METTL24: variants seen among roughly 807,000 people sequenced by gnomAD.
METTL24 encodes probable methyltransferase-like protein 24.
METTL24 carries 29 observed loss-of-function variants against 32.7 expected under a neutral mutation model. The ratio of observed to expected loss-of-function variants is 0.89; its 90% CI spans 0.66 to 1.21. METTL24 has a LOEUF of 1.21. Among genes scored for constraint, METTL24 ranks in the 50% most tolerant of loss-of-function variants. METTL24 has a pLI of 0.00. For missense variants in METTL24, 439 were observed against 468.1 expected, an observed-to-expected ratio of 0.94 and a Z score of 0.57; for synonymous variants, 163 against 179.5, an observed-to-expected ratio of 0.91 and a Z score of 0.73.
At chr6:110,352,400 C>T (rs1772623243) in intron 1 of METTL24, among the ~76,000 whole-genome samples, 1 of 152,150 alleles carries the variant, frequency 6.6e-6, no homozygotes, top group South Asian at 2.1e-4. Flanking sequence ...TATTTATGTT[C>T]AAATACTTAA....
chr6:110,268,432 C>T (rs964644627), intron 4 of METTL24, among the ~76,000 whole-genome samples: 17 of 152,166 alleles, frequency 1.1e-4, no homozygotes, highest in African/African-American at 3.1e-4. Context: ...GGGTTCATAA[C>T]TTAACAGTTC....
intron 1 of METTL24, among the ~76,000 whole-genome samples, chr6:110,338,187 A>C (rs940113774): frequency 6.6e-5 from 10 of 152,192 alleles, no homozygotes; most frequent in Admixed American, 3.3e-4. Flanking sequence ...CTTTGGGTGG[A>C]AATAAATTAT....
At chr6:110,315,674 T>C (rs892531975) in intron 2 of METTL24, among the ~76,000 whole-genome samples, 193 bp from the exon 3 acceptor site, 1 of 152,148 alleles carries the variant, frequency 6.6e-6, no homozygotes, top group Non-Finnish European at 1.5e-5. Flanking sequence ...TACTAGATAA[T>C]AAGTAATCTC....
intron 4 of METTL24, among the ~76,000 whole-genome samples, chr6:110,255,853 GC>G (rs1351769510): frequency 6.6e-6 from 1 of 152,060 alleles, no homozygotes; most frequent in Non-Finnish European, 1.5e-5. Flanking sequence ...GAGAATCTTT[GC>G]CCTTAGATGG....
chr6:110,328,946 A>C (rs565619406), intron 1 of METTL24, among the ~76,000 whole-genome samples: 9 of 152,350 alleles, frequency 5.9e-5, no homozygotes, highest in Admixed American at 2.6e-4. Flanking sequence ...AAATTACCAA[A>C]AAATGGTGCC....
chr6:110,337,329 C>T (rs774585211), intron 1 of METTL24, among the ~76,000 whole-genome samples: 11 of 152,030 alleles, frequency 7.2e-5, no homozygotes, highest in African/African-American at 2.2e-4. Flanking sequence ...GTACTAGGCT[C>T]AATACTTGGG....
chr6:110,255,095 C>A (rs1355485078), intron 4 of METTL24, among the ~76,000 whole-genome samples: 1 of 151,896 alleles, frequency 6.6e-6, no homozygotes, highest in Non-Finnish European at 1.5e-5. Flanking sequence ...TGAGGTTTGC[C>A]CTACAGATTA....
At chr6:110,352,398 T>C (rs1227360237) in intron 1 of METTL24, among the ~76,000 whole-genome samples, 1 of 152,222 alleles carries the variant, frequency 6.6e-6, no homozygotes, top group Non-Finnish European at 1.5e-5. Flanking sequence ...GATATTTATG[T>C]TCAAATACTT....
intron 2 of METTL24, among the ~76,000 whole-genome samples, chr6:110,320,940 T>A (rs1771920044): frequency 6.7e-6 from 1 of 148,738 alleles, no homozygotes; most frequent in Non-Finnish European, 1.5e-5. Context: ...GAGGATGCTT[T>A]AAAAAAAAAA....
Position 110,358,102 on chromosome 6 carries a change from G to T in METTL24, c.171C>A (p.His57Gln), listed in dbSNP as rs1772736200. ...GCGGCTGGCCCGGCGCGGGCGGCAG[G>T]TGCGGCCCAGGTGGCCGCCAGGCCG... ...PGPAWRPPGP[H>Q]LPPAPGQPRG... The change falls in exon 1 of 5, where the codon CAC becomes CAA. Residue 57 changes from histidine (H) to glutamine (Q), a missense_variant. By Grantham distance (24) the His-to-Gln change is conservative. Coordinates refer to ENST00000338882, the MANE Select transcript of METTL24 (RefSeq NM_001123364.3). 3 of 1,015,182 alleles carry T rather than the reference G, an allele frequency of 3.0e-6. No individual in the cohort carries two copies. In the African/African-American group the frequency reaches 5.2e-5, roughly 18 times the overall value. 62.9% of individuals were successfully genotyped at this position (1,015,182 alleles called of 1,614,324 possible). A position where few individuals can be genotyped will look rare whatever the true frequency, so the allele number is the denominator to read the frequency against.
At position 110,296,639 on chromosome 6, in the gene METTL24, A is replaced by C. The variant is rs534368007; in HGVS notation, c.786+2283T>G. Reference sequence around the variant, plus strand: ...CTGGAATCTACGTATGGATATACAGAATAGGAAAACTAACAGCGGAATAGG... The same window carrying C: ...CTGGAATCTACGTATGGATATACAGCATAGGAAAACTAACAGCGGAATAGG... On this transcript the variant is annotated intron_variant, in intron 4 of 4. Transcript: ENST00000338882. 8.9e-4 allele frequency among the ~76,000 whole-genome samples: 136 copies of C among 152,314 alleles called. 1 individual carries two copies. Among genetic ancestry groups the C allele is most frequent in the Admixed American group, 1.3e-3 (20 of 15,304 alleles).
At chr6:110,268,411 A>G (rs1770897255) in intron 4 of METTL24, among the ~76,000 whole-genome samples, 2 of 152,334 alleles carry the variant, frequency 1.3e-5, no homozygotes, top group South Asian at 4.1e-4. Flanking sequence ...CACAAAATAC[A>G]ACATTGGTGA....
At chr6:110,258,789 T>TAC (rs146964745) in intron 4 of METTL24, among the ~76,000 whole-genome samples, 15,268 of 145,778 alleles carry the variant, frequency 0.1, 842 homozygotes, top group Admixed American at 0.16. Context: ...TAGATGCATT[T>TAC]ACACACACAC....
chr6:110,286,366 C>T (rs1465531892), intron 4 of METTL24, among the ~76,000 whole-genome samples: 1 of 152,136 alleles, frequency 6.6e-6, no homozygotes, highest in Non-Finnish European at 1.5e-5. Context: ...AATGCAGGCT[C>T]CTGGGCTCTA....
chr6:110,306,589 G>T (rs962497928), intron 3 of METTL24, among the ~76,000 whole-genome samples: 1 of 151,964 alleles, frequency 6.6e-6, no homozygotes, highest in African/African-American at 2.4e-5. Flanking sequence ...ATTAATTTAT[G>T]TTATACTTTT....
intron 1 of METTL24, among the ~76,000 whole-genome samples, chr6:110,323,741 G>A (rs1771971460): frequency 6.6e-6 from 1 of 152,166 alleles, no homozygotes; most frequent in South Asian, 2.1e-4. Flanking sequence ...GCTCGTGCAG[G>A]GTAGGGAAGG....
chr6:110,332,823 C>T (rs536177446), intron 1 of METTL24, among the ~76,000 whole-genome samples: 3 of 151,460 alleles, frequency 2.0e-5, no homozygotes, highest in East Asian at 2.0e-4. Flanking sequence ...GTAGGAGGAT[C>T]GCTTGAGCCC....
chr6:110,336,456 ATCAG>A (rs1772230426), intron 1 of METTL24, among the ~76,000 whole-genome samples: 2 of 152,250 alleles, frequency 1.3e-5, no homozygotes, highest in Admixed American at 6.5e-5. Context: ...AAAGATGGTT[ATCAG>A]CTGGGCGCGG....
At chr6:110,315,307 TTG>T (rs779908060) in intron 3 of METTL24, 33 bp downstream of exon 3, 1 of 1,612,572 alleles carries the variant, frequency 6.2e-7, no homozygotes, top group African/African-American at 1.3e-5. Flanking sequence ...GAAGCAGTGT[TTG>T]TGTTTTCTTC....
Sources: allele counts gnomAD v4.1 joint callset (sites outside exome capture counted in the v4.1 genomes callset), GRCh38; gene constraint gnomAD v4.1.1; transcripts MANE v1.5; gene names NCBI Gene and HGNC (gene_info 2026-07-23, HGNC 2026-07-21).